Variants in TDO2 observed in about 807,000 individuals in gnomAD.
TDO2 encodes the protein tryptophan 2,3-dioxygenase.
A neutral mutation model predicts 61.2 loss-of-function variants in TDO2; 63 were observed. The observed-to-expected ratio is 1.03, with a 90% CI of 0.84 to 1.27. The LOEUF is 1.27. Ranked by LOEUF, TDO2 falls within the 50% of genes most tolerant of loss-of-function variation. The probability of loss-of-function intolerance (pLI) is 0.00; values close to 1 mark genes in which losing one functional copy is unlikely to be tolerated. For missense variants in TDO2, 494 were observed against 469.5 expected (o/e 1.05, Z -0.48); for synonymous variants, 183 against 164.0 (o/e 1.12, Z -0.89).
Position 155,905,162 on chromosome 4 carries a change from G to T in TDO2, c.232+5G>T. 6.4e-7 allele frequency: 1 copy of T among 1,570,432 alleles called. No individual in the cohort carries two copies. Among genetic ancestry groups the T allele is most frequent in the Non-Finnish European group, 8.6e-7 (1 of 1,159,558 alleles). ...TTTTTATCATAACTCATCAAGGTAA[G>T]TTGCACAAAGGTTTTGGACAATATT... On this transcript the variant is annotated splice_donor_5th_base_variant and intron_variant, in intron 3 of 11. Coordinates refer to ENST00000536354, the MANE Select transcript of TDO2 (RefSeq NM_005651.4).
intron 9 of TDO2, among the ~76,000 whole-genome samples, chr4:155,916,984 A>C (rs186085014): frequency 0.012 from 1,795 of 149,892 alleles, 27 homozygotes; most frequent in African/African-American, 0.04. Flanking sequence ...ACAACAACAA[A>C]AAAAACAAAA....
At chr4:155,917,511 C>T in intron 10 of TDO2, 37 bp downstream of exon 10, 1 of 1,536,746 alleles carries the variant, frequency 6.5e-7, no homozygotes, top group African/African-American at 1.4e-5. Context: ...TGCTTCCCCA[C>T]ATGCTGTTCC....
chr4:155,916,706 C>G (rs1221866781), intron 9 of TDO2, among the ~76,000 whole-genome samples: 1 of 152,050 alleles, frequency 6.6e-6, no homozygotes, highest in Admixed American at 6.6e-5. Context: ...GTATGAAGGT[C>G]CCATCCTCAG....
chr4:155,913,433 C>A (rs887923068), intron 7 of TDO2, among the ~76,000 whole-genome samples: 1 of 152,110 alleles, frequency 6.6e-6, no homozygotes, highest in African/African-American at 2.4e-5. Flanking sequence ...CCTTCCCACT[C>A]TGAAGATCTT....
At position 155,911,588 on chromosome 4, in the gene TDO2, A is replaced by G; in HGVS notation, c.710A>G (p.Glu237Gly). The change falls in exon 7 of 12, where the codon GAA (glutamate) becomes GGA (glycine). Residue 237 changes from glutamate (E) to glycine (G), a missense_variant. Glu to Gly is a moderately conservative substitution (Grantham distance 98, BLOSUM62 -2). Coordinates refer to ENST00000536354, the MANE Select transcript of TDO2 (RefSeq NM_005651.4). ...EKNITRGLEE[E>G]FIRIQAKEES... ...AATATCACCAGAGGCCTGGAAGAGG[A>G]ATTCATAAGGATTCAGGTATTTAGA... 1 of 1,586,968 alleles carries G rather than the reference A, an allele frequency of 6.3e-7. No homozygotes were observed. The highest frequency in any genetic ancestry group is 8.6e-7 in the Non-Finnish European group (1 of 1,165,304).
At chr4:155,906,321 T>A (rs1489451342) in intron 3 of TDO2, 1 of 152,160 alleles carries the variant, frequency 6.6e-6, no homozygotes, top group Non-Finnish European at 1.5e-5. Flanking sequence ...TAGGCAGTGG[T>A]TACATAGGGT....
chr4:155,904,217 G>A (rs1030651608), intron 2 of TDO2, 94 bp downstream of exon 2: 1 of 884,662 alleles, frequency 1.1e-6, no homozygotes, highest in Non-Finnish European at 1.8e-6. Context: ...TGGAATTAGG[G>A]AAAGTCACCA....
intron 7 of TDO2, among the ~76,000 whole-genome samples, chr4:155,914,018 C>G (rs934383735): frequency 3.3e-5 from 5 of 151,968 alleles, no homozygotes; most frequent in African/African-American, 7.2e-5. Context: ...AAAATTATAT[C>G]ATTATTAACT....
At chr4:155,907,528 C>T (rs1742739474) in intron 3 of TDO2, 194 bp from the exon 4 acceptor site, 1 of 536,900 alleles carries the variant, frequency 1.9e-6, no homozygotes, top group South Asian at 2.7e-5. Context: ...CATATTAAAA[C>T]ATTTAATAAA....
Position 155,916,745 on chromosome 4 carries a change from T to C in TDO2, c.897-650T>C, listed in dbSNP as rs1328804130. ...TCATGAATTAAATGTGTCAGAACAA[T>C]AAACATCACACTAGTAAAAAAATAC... On this transcript the variant is annotated intron_variant, in intron 9 of 11. Coordinates refer to ENST00000536354, the MANE Select transcript of TDO2 (RefSeq NM_005651.4). 2.0e-5 allele frequency among the ~76,000 whole-genome samples: 3 copies of C among 152,118 alleles called. No homozygotes were observed. The East Asian group carries it at 5.8e-4, about 29-fold the overall frequency.
chr4:155,916,527 T>C (rs969861753), intron 9 of TDO2, among the ~76,000 whole-genome samples: 2 of 151,848 alleles, frequency 1.3e-5, no homozygotes, highest in Non-Finnish European at 2.9e-5. Flanking sequence ...AAATGTGTTC[T>C]ATCATTAAAC....
Position 155,903,774 on chromosome 4 carries a change from T to A in TDO2, c.16T>A (p.Phe6Ile). The change falls in exon 1 of 12, where the codon TTT (phenylalanine) becomes ATT (isoleucine). Residue 6 changes from phenylalanine to isoleucine, a missense_variant. Transcript: ENST00000536354. MSGCP[F>I]LGNNFGYTFK... is the part of the protein sequence containing the mutation. The stretch of plus-strand genomic sequence containing the variant: ...CCTTTTCACCATGAGTGGGTGCCCA[T>A]TTTTAGGAAACAACTTTGGGTGAGT... 6.2e-7 allele frequency: 1 copy of A among 1,614,176 alleles called. No individual in the cohort carries two copies. Among genetic ancestry groups the A allele is most frequent in the Non-Finnish European group, 8.5e-7 (1 of 1,180,032 alleles).
chr4:155,905,881 C>T (rs1742709532), intron 3 of TDO2: 1 of 151,980 alleles, frequency 6.6e-6, no homozygotes, highest in South Asian at 2.1e-4. Flanking sequence ...TGGATGCTTT[C>T]CAATGTGATT....
chr4:155,911,595 A>G lies in TDO2; in HGVS notation c.717A>G (p.Ile239Met). The change falls in exon 7 of 12, where the codon ATA (isoleucine) becomes ATG (methionine). Residue 239 changes from isoleucine to methionine, a missense_variant. Physicochemically the swap from Ile to Met is conservative, Grantham distance 10. Coordinates refer to ENST00000536354, the MANE Select transcript of TDO2 (RefSeq NM_005651.4). ...CCAGAGGCCTGGAAGAGGAATTCAT[A>G]AGGATTCAGGTATTTAGATGACATG... Reference protein sequence around the residue: ...NITRGLEEEFIRIQAKEESEE... With the variant: ...NITRGLEEEFMRIQAKEESEE... 1 of 1,584,584 alleles carries G rather than the reference A, an allele frequency of 6.3e-7. No individual in the cohort carries two copies. The highest frequency in any genetic ancestry group is 1.4e-5 in the African/African-American group (1 of 73,930).
At chr4:155,906,250 C>A (rs907518359) in intron 3 of TDO2, 2 of 152,068 alleles carry the variant, frequency 1.3e-5, no homozygotes, top group African/African-American at 2.4e-5. Context: ...AAACATGCAA[C>A]AAATGGTAGC....
intron 8 of TDO2, among the ~76,000 whole-genome samples, 198 bp downstream of exon 8, chr4:155,914,632 A>C (rs1211010812): frequency 6.6e-6 from 1 of 152,144 alleles, no homozygotes; most frequent in Non-Finnish European, 1.5e-5. Flanking sequence ...TTATTTGAAA[A>C]ACATTAGAAA....
chr4:155,914,787 A>G (rs1028384518), intron 8 of TDO2, among the ~76,000 whole-genome samples: 17 of 152,278 alleles, frequency 1.1e-4, no homozygotes, highest in African/African-American at 3.8e-4. Context: ...AAAGGAAGGA[A>G]TAGCTACCGT....
chr4:155,909,456 T>C (rs942498930), intron 5 of TDO2, among the ~76,000 whole-genome samples: 17 of 152,210 alleles, frequency 1.1e-4, no homozygotes, highest in African/African-American at 3.9e-4. Context: ...GATAGCTTTT[T>C]TCTTACCAAA....
Position 155,911,574 on chromosome 4 carries a change from A to G in TDO2, c.696A>G (p.Arg232=). 3 of 1,593,342 alleles carry G rather than the reference A, an allele frequency of 1.9e-6. No homozygotes were observed. Among genetic ancestry groups the G allele is most frequent in the Non-Finnish European group, 2.6e-6 (3 of 1,168,868 alleles). ...GAAAGCTTGAAAAAAATATCACCAG[A>G]GGCCTGGAAGAGGAATTCATAAGGA... The part of the protein sequence containing the change: ...FWGKLEKNIT[R]GLEEEFIRIQ... Residue 232 remains arginine (R), a synonymous_variant, in exon 7 of 12, where the codon AGA becomes AGG. Transcript: ENST00000536354.
Sources: gnomAD v4.1 joint callset for allele counts (sites outside exome capture counted in the v4.1 genomes callset) on GRCh38, gnomAD v4.1.1 for gene constraint, MANE v1.5 for transcripts, NCBI Gene and HGNC (gene_info 2026-07-23, HGNC 2026-07-21) for gene names.